Variants in LMNTD1 observed in about 807,000 individuals in gnomAD.
LMNTD1 encodes the protein lamin tail domain-containing protein 1.
Under a neutral mutation model 50.9 loss-of-function variants are expected in LMNTD1, and 35 were observed. The observed-to-expected ratio is 0.69, with a 90% CI of 0.53 to 0.91. LMNTD1 has a LOEUF of 0.91. Among genes scored for constraint, LMNTD1 ranks in the 40% least tolerant of loss-of-function variants. The pLI, the probability that LMNTD1 is intolerant of heterozygous loss-of-function variation, is 0.00. For synonymous variants in LMNTD1, 153 were observed against 161.9 expected (o/e 0.94, Z 0.42); for missense variants, 470 against 475.5 (o/e 0.99, Z 0.11).
Position 25,500,943 on chromosome 12 carries a change from A to G in LMNTD1, c.*22+2795T>C, listed in dbSNP as rs1305496286. On this transcript the variant is annotated intron_variant, in intron 9 of 9. Transcript: ENST00000458174. ...TCAGTTGTTGCACAGAAATGTAATT[A>G]GTGGTCAAATAAACTCGAGATTGAA... Among the ~76,000 whole-genome samples, 3 of 152,044 alleles carry G rather than the reference A, an allele frequency of 2.0e-5. No individual in the cohort carries two copies. The East Asian group carries it at 5.8e-4, about 29-fold the overall frequency.
At position 25,587,574 on chromosome 12, in the gene LMNTD1, A is replaced by T. The variant is rs190625910; in HGVS notation, c.59-41020T>A. Among the ~76,000 whole-genome samples, 957 of 152,332 alleles carry T rather than the reference A, an allele frequency of 6.3e-3. 34 individuals are homozygous for T. The highest frequency in any genetic ancestry group is 0.058 in the Admixed American group (893 of 15,304). On this transcript the variant is annotated intron_variant, in intron 1 of 7. Coordinates refer to the LMNTD1 transcript ENST00000445693. The stretch of plus-strand genomic sequence containing the variant: ...ACTCACTCTTGTGAGGACAGCACCA[A>T]CCGGATGGTGCTAAACCATTCATGA...
intron 1 of LMNTD1, among the ~76,000 whole-genome samples, chr12:25,590,191 G>A (rs925643375): frequency 3.3e-5 from 5 of 152,274 alleles, no homozygotes; most frequent in South Asian, 2.1e-4. Context: ...GACACCAACC[G>A]TCCCCCACTT....
intron 1 of LMNTD1, among the ~76,000 whole-genome samples, chr12:25,559,995 C>T (rs941984883): frequency 2.0e-5 from 3 of 152,158 alleles, no homozygotes; most frequent in African/African-American, 7.2e-5. Context: ...TGTAAGTTGC[C>T]TGTTCACTCT....
chr12:25,610,357 C>A (rs1433669518), intron 1 of LMNTD1, among the ~76,000 whole-genome samples: 2 of 152,058 alleles, frequency 1.3e-5, no homozygotes, highest in Non-Finnish European at 2.9e-5. Flanking sequence ...ACTTTCTGAC[C>A]AGTCCCAATG....
chr12:25,537,360 A>C (rs997224403), intron 4 of LMNTD1, among the ~76,000 whole-genome samples: 6 of 152,238 alleles, frequency 3.9e-5, no homozygotes, highest in Non-Finnish European at 7.3e-5. Flanking sequence ...TTCTCCCAGT[A>C]CGCAGCTGGA....
At chr12:25,568,246 C>T (rs1050545942) in intron 1 of LMNTD1, among the ~76,000 whole-genome samples, 2 of 152,232 alleles carry the variant, frequency 1.3e-5, no homozygotes, top group African/African-American at 4.8e-5. Flanking sequence ...AGAGTGATGA[C>T]TTAGAGTATC....
At chr12:25,528,115 A>G (rs1233808412) in intron 4 of LMNTD1, among the ~76,000 whole-genome samples, 1 of 152,168 alleles carries the variant, frequency 6.6e-6, no homozygotes, top group Non-Finnish European at 1.5e-5. Context: ...TTGTGGACTA[A>G]TAGTAACTCA....
rs56807141 is a variant in LMNTD1 at position 25,536,870 on chromosome 12, G to A, written c.491+9504C>T. Among the ~76,000 whole-genome samples, 3,305 of 146,788 alleles carry A rather than the reference G, an allele frequency of 0.023. 198 individuals are homozygous for A. The East Asian group carries it at 0.34, about 15-fold the overall frequency. ...AGTGGGCGCAGGTCAGTGGGTGCAC[G>A]CACCGTGCGCGAGCCGAAGCAGGGC... On this transcript the variant is annotated intron_variant, in intron 4 of 9. Transcript: ENST00000458174.
chr12:25,604,220 T>G (rs975682657), intron 1 of LMNTD1, among the ~76,000 whole-genome samples: 15 of 152,166 alleles, frequency 9.9e-5, no homozygotes, highest in Non-Finnish European at 1.8e-4. Context: ...CTTTCACTTC[T>G]TTGTTTAAAT....
In LMNTD1 at chr12:25,526,826, G is replaced by C. The variant is rs1172294917; in HGVS notation, c.621C>G (p.Thr207=). 1 of 1,613,024 alleles carries C rather than the reference G, an allele frequency of 6.2e-7. No individual in the cohort carries two copies. Among genetic ancestry groups the C allele is most frequent in the South Asian group, 1.1e-5 (1 of 90,880 alleles). The part of the protein sequence containing the change: ...HILQQNVNGQ[T]ISLYRFLPNI... Reference sequence around the variant, plus strand: ...TTGGAAGGAATCGGTACAAAGAAATGGTTTGTCCATTCACATTTTGCTGGA... The same window carrying C: ...TTGGAAGGAATCGGTACAAAGAAATCGTTTGTCCATTCACATTTTGCTGGA... Residue 207 remains threonine, a synonymous_variant, in exon 5 of 10, where the codon ACC becomes ACG. Transcript: ENST00000458174.
intron 1 of LMNTD1, among the ~76,000 whole-genome samples, chr12:25,577,547 T>G (rs1019829540): frequency 6.6e-6 from 1 of 152,172 alleles, no homozygotes. Context: ...CCCTGAGACT[T>G]TGCTGAAGTT....
chr12:25,529,560 G>A (rs143476716), intron 4 of LMNTD1, among the ~76,000 whole-genome samples: 222 of 152,180 alleles, frequency 1.5e-3, no homozygotes, highest in African/African-American at 5.3e-3. Context: ...TTCGTGACCA[G>A]GTTCTGCTGA....
intron 1 of LMNTD1, among the ~76,000 whole-genome samples, chr12:25,567,377 TAGTG>T: frequency 6.6e-6 from 1 of 152,374 alleles, no homozygotes; most frequent in East Asian, 1.9e-4. Context: ...CCATACTCAA[TAGTG>T]AGTAAATACT....
At chr12:25,503,705 TG>T in intron 9 of LMNTD1, 32 bp downstream of exon 9, 1 of 1,142,024 alleles carries the variant, frequency 8.8e-7, no homozygotes, top group Non-Finnish European at 1.3e-6. Context: ...TATTTTTCTG[TG>T]GAGAAAGCAA....
intron 1 of LMNTD1, among the ~76,000 whole-genome samples, chr12:25,647,348 G>T (rs908766670): frequency 1.3e-5 from 2 of 152,156 alleles, no homozygotes; most frequent in Non-Finnish European, 2.9e-5. Context: ...GGCTGGGCAT[G>T]GTGGCCTGTG....
chr12:25,525,459 T>C (rs1591906185), intron 6 of LMNTD1, among the ~76,000 whole-genome samples: 1 of 152,080 alleles, frequency 6.6e-6, no homozygotes, highest in South Asian at 2.1e-4. Context: ...AAAAAATAAA[T>C]GGAAAAGACC....
At chr12:25,642,322 G>C (rs1014680880) in intron 1 of LMNTD1, among the ~76,000 whole-genome samples, 1 of 152,130 alleles carries the variant, frequency 6.6e-6, no homozygotes, top group Non-Finnish European at 1.5e-5. Context: ...TGAGGGTTGA[G>C]CCCCCATAAT....
At chr12:25,626,517 C>CT (rs910163206) in intron 1 of LMNTD1, among the ~76,000 whole-genome samples, 1 of 152,028 alleles carries the variant, frequency 6.6e-6, no homozygotes, top group African/African-American at 2.4e-5. Context: ...ATTGTTATGA[C>CT]TTTTTTTGTG....
chr12:25,556,493 G>A (rs371406450), upstream of LMNTD1, among the ~76,000 whole-genome samples: 84 of 152,190 alleles, frequency 5.5e-4, 1 homozygote, highest in African/African-American at 1.7e-3. Flanking sequence ...TCCTTTTTCT[G>A]TGGTATCTGC....
Sources: allele counts gnomAD v4.1 joint callset (sites outside exome capture counted in the v4.1 genomes callset), GRCh38; gene constraint gnomAD v4.1.1; transcripts MANE v1.5; gene names NCBI Gene and HGNC (gene_info 2026-07-23, HGNC 2026-07-21).